JARID2: variants seen among roughly 807,000 people sequenced by gnomAD.
The protein encoded by JARID2 is jumonji and AT-rich interaction domain containing 2.
In JARID2, 21 loss-of-function variants were observed where a neutral mutation model predicts 125.6. The observed-to-expected ratio is 0.17, with a 90% CI of 0.12 to 0.24. The LOEUF is 0.24. Among genes scored for constraint, JARID2 ranks in the 10% least tolerant of loss-of-function variants. JARID2 has a pLI of 1.00. For missense variants in JARID2, 1,303 were observed against 1,639.6 expected, an observed-to-expected ratio of 0.79 and a Z score of 3.55; for synonymous variants, 736 against 661.6, an observed-to-expected ratio of 1.11 and a Z score of -1.73.
chr6:15,256,653 A>C lies in JARID2; in HGVS notation c.45+10069A>C, dbSNP rs377354821. 3.9e-5 allele frequency among the ~76,000 whole-genome samples: 6 copies of C among 152,170 alleles called. No individual in the cohort carries two copies. In the South Asian group the frequency reaches 6.2e-4, roughly 16 times the overall value. On this transcript the variant is annotated intron_variant, in intron 1 of 17. Coordinates refer to ENST00000341776, the MANE Select transcript of JARID2 (RefSeq NM_004973.4). ...ATTTTATTCCTCTACTTGCTTGGTG[A>C]ATGGATTGCCTGAGGAGCCCACCGT... is the stretch of plus-strand genomic sequence containing the variant.
chr6:15,417,271 T>A (rs1447621821), intron 3 of JARID2, among the ~76,000 whole-genome samples: 1 of 152,186 alleles, frequency 6.6e-6, no homozygotes, highest in Non-Finnish European at 1.5e-5. Flanking sequence ...CTTCTCATTA[T>A]ATCTTGAACA....
intron 12 of JARID2, chr6:15,509,198 G>C: frequency 8.0e-7 from 1 of 1,248,824 alleles, no homozygotes; most frequent in Non-Finnish European, 1.0e-6. Context: ...CCCTGATCGA[G>C]GCTGGACTCT....
intron 6 of JARID2, among the ~76,000 whole-genome samples, chr6:15,495,155 G>A (rs1581642106): frequency 6.6e-6 from 1 of 152,304 alleles, no homozygotes; most frequent in East Asian, 1.9e-4. Flanking sequence ...ATGTCTGGCA[G>A]CAGCCCATTG....
At chr6:15,391,040 C>T (rs1390337919) in intron 2 of JARID2, among the ~76,000 whole-genome samples, 2 of 152,236 alleles carry the variant, frequency 1.3e-5, no homozygotes, top group Admixed American at 6.5e-5. Context: ...TTTAAAAGGG[C>T]GATCATTATT....
chr6:15,437,428 G>A (rs958312085), intron 3 of JARID2, among the ~76,000 whole-genome samples: 1 of 152,066 alleles, frequency 6.6e-6, no homozygotes, highest in Non-Finnish European at 1.5e-5. Flanking sequence ...TGTCCTTTAC[G>A]CTTACATTGT....
intron 1 of JARID2, among the ~76,000 whole-genome samples, chr6:15,293,998 ACATTGC>A (rs1471106463): frequency 7.2e-5 from 11 of 152,214 alleles, no homozygotes; most frequent in Non-Finnish European, 1.2e-4. Context: ...CCAGTGTTTG[ACATTGC>A]CATTTTCCTT....
At chr6:15,435,803 G>A (rs781540231) in intron 3 of JARID2, among the ~76,000 whole-genome samples, 1 of 151,838 alleles carries the variant, frequency 6.6e-6, no homozygotes, top group African/African-American at 2.4e-5. Flanking sequence ...GAGTTTCAGT[G>A]CCTTGAGGAT....
intron 3 of JARID2, among the ~76,000 whole-genome samples, chr6:15,430,934 C>A (rs1050650153): frequency 8.5e-5 from 13 of 152,156 alleles, no homozygotes; most frequent in African/African-American, 3.1e-4. Context: ...AACATAGTTA[C>A]AAATTTGTTC....
intron 2 of JARID2, among the ~76,000 whole-genome samples, chr6:15,405,643 C>T (rs1156943989): frequency 6.6e-6 from 1 of 152,094 alleles, no homozygotes; most frequent in African/African-American, 2.4e-5. Flanking sequence ...TTAACCTCCT[C>T]TCCCCAACAA....
Position 15,505,981 on chromosome 6 carries a change from A to C in JARID2, c.2542-1155A>C, listed in dbSNP as rs142747654. ...GTGGGCATCTCCCCAGAGGTGCAGAAGTTTATTATCCATGATGCGCAAGAA... is the reference window on the plus strand; with the variant it reads ...GTGGGCATCTCCCCAGAGGTGCAGACGTTTATTATCCATGATGCGCAAGAA... On this transcript the variant is annotated intron_variant, in intron 9 of 17. Transcript: ENST00000341776. 5.6e-3 allele frequency among the ~76,000 whole-genome samples: 856 copies of C among 152,372 alleles called. 9 individuals carry two copies. The highest frequency in any genetic ancestry group is 0.019 in the African/African-American group (805 of 41,590).
At chr6:15,416,298 G>C (rs528376032) in intron 3 of JARID2, among the ~76,000 whole-genome samples, 5 of 152,334 alleles carry the variant, frequency 3.3e-5, no homozygotes, top group African/African-American at 1.2e-4. Context: ...CGGCCGGGCA[G>C]AGGCTGCAAT....
At chr6:15,508,947 T>C in intron 12 of JARID2, 1 of 1,288,368 alleles carries the variant, frequency 7.8e-7, no homozygotes, top group South Asian at 1.2e-5. Context: ...TGGTATTTCA[T>C]GATTGGTTAT....
chr6:15,487,483 C>T lies in JARID2; in HGVS notation c.847C>T (p.Leu283Phe), dbSNP rs756367323. Residue 283 changes from leucine to phenylalanine, a missense_variant, in exon 6 of 18, where the codon CTT becomes TTT. Physicochemically the swap from Leu to Phe is conservative, Grantham distance 22. Coordinates refer to ENST00000341776, the MANE Select transcript of JARID2 (RefSeq NM_004973.4). Reference protein sequence around the residue: ...APSTGSSAKGLAATHHHPPLH... With the variant: ...APSTGSSAKGFAATHHHPPLH... The stretch of plus-strand genomic sequence containing the variant: ...CTCCACGGGTTCCTCGGCCAAGGGG[C>T]TTGCTGCCACCCATCACCACCCCCC... The T allele has an allele frequency of 6.2e-7, 1 of 1,614,164 alleles. No individual in the cohort carries two copies. The highest frequency in any genetic ancestry group is 2.2e-5 in the East Asian group (1 of 44,880).
intron 3 of JARID2, among the ~76,000 whole-genome samples, chr6:15,433,173 C>A (rs1263460664): frequency 6.6e-6 from 1 of 152,140 alleles, no homozygotes; most frequent in Non-Finnish European, 1.5e-5. Context: ...TATATAGTTG[C>A]TGGGTAAGTG....
At chr6:15,328,693 A>T (rs994657685) in intron 1 of JARID2, among the ~76,000 whole-genome samples, 11 of 152,242 alleles carry the variant, frequency 7.2e-5, no homozygotes, top group Admixed American at 2.6e-4. Flanking sequence ...CATACAGTCA[A>T]AATGTGTGTC....
intron 1 of JARID2, among the ~76,000 whole-genome samples, chr6:15,357,110 A>G (rs903776905): frequency 3.9e-5 from 6 of 152,234 alleles, no homozygotes. Flanking sequence ...GTGAAAGACC[A>G]TCTCTAGGGA....
intron 2 of JARID2, among the ~76,000 whole-genome samples, chr6:15,403,022 C>T (rs1757775169): frequency 6.6e-6 from 1 of 152,116 alleles, no homozygotes; most frequent in Admixed American, 6.5e-5. Context: ...ATTCTAGGTA[C>T]TGTACTTGTT....
intron 3 of JARID2, among the ~76,000 whole-genome samples, chr6:15,425,868 A>G (rs945213052): frequency 2.0e-5 from 3 of 152,206 alleles, no homozygotes; most frequent in African/African-American, 7.2e-5. Context: ...CAATATGGTC[A>G]TGTGTGCACT....
At chr6:15,435,107 T>G (rs1339383121) in intron 3 of JARID2, among the ~76,000 whole-genome samples, 1 of 152,232 alleles carries the variant, frequency 6.6e-6, no homozygotes, top group African/African-American at 2.4e-5. Context: ...TAACATAGTC[T>G]GATGATTCAA....
Sources: gnomAD v4.1 joint callset for allele counts (sites outside exome capture counted in the v4.1 genomes callset) on GRCh38, gnomAD v4.1.1 for gene constraint, MANE v1.5 for transcripts, NCBI Gene and HGNC (gene_info 2026-07-23, HGNC 2026-07-21) for gene names.